Variants in CSNK1D observed in about 807,000 individuals in gnomAD.
CSNK1D encodes casein kinase I isoform delta.
CSNK1D carries 16 observed loss-of-function variants against 46.6 expected under a neutral mutation model. The observed-to-expected ratio is 0.34, with a 90% CI of 0.23 to 0.52. The LOEUF is 0.52. Among genes scored for constraint, CSNK1D ranks in the 20% least tolerant of loss-of-function variants. The pLI, the probability that CSNK1D is intolerant of heterozygous loss-of-function variation, is 0.95. For missense variants in CSNK1D, 398 were observed against 578.4 expected, an observed-to-expected ratio of 0.69 and a Z score of 3.20; for synonymous variants, 276 against 228.2, an observed-to-expected ratio of 1.21 and a Z score of -1.89.
chr17:82,267,380 C>T (rs2051504162), intron 1 of CSNK1D, among the ~76,000 whole-genome samples: 1 of 152,180 alleles, frequency 6.6e-6, no homozygotes, highest in African/African-American at 2.4e-5. Flanking sequence ...GAGCAGTCTG[C>T]TGATATCCAC....
At chr17:82,246,166 G>C in intron 8 of CSNK1D, 1 of 1,540,790 alleles carries the variant, frequency 6.5e-7, no homozygotes, top group Non-Finnish European at 8.8e-7. Context: ...GCCACCTGGG[G>C]GAGCCCAGGC....
In CSNK1D at chr17:82,252,997, C is replaced by A; in HGVS notation, c.565+19G>T. The A allele has an allele frequency of 6.2e-7, 1 of 1,608,288 alleles. No homozygotes were observed. The highest frequency in any genetic ancestry group is 8.5e-7 in the Non-Finnish European group (1 of 1,174,932). On this transcript the variant is annotated intron_variant, in intron 4 of 8. Coordinates refer to ENST00000314028, the MANE Select transcript of CSNK1D (RefSeq NM_001893.6). The surrounding 1 kb of genome is among the most constrained non-coding windows in gnomAD (Gnocchi z 4.6). ...CCCAAAGGCACCCCAGGTCAGTGAC[C>A]CCATGCCCAGGGGCTCACCAATTCC...
chr17:82,239,910 C>T (rs768575150), downstream of CSNK1D: 5 of 996,002 alleles, frequency 5.0e-6, no homozygotes, highest in Non-Finnish European at 6.5e-6. Context: ...CACCTAACAC[C>T]CACCTGCCCT....
chr17:82,246,071 C>T lies in CSNK1D; in HGVS notation c.1198-1240G>A, dbSNP rs371328694. 4.1e-5 allele frequency: 66 copies of T among 1,593,532 alleles called. 1 individual carries two copies. In the Middle Eastern group the frequency reaches 2.3e-3, roughly 56 times the overall value. ...TGGGGAAAAGACAGCTGTTGGTAAG[C>T]GTCCCGCTGGCCCCCTGACTACCTG... On this transcript the variant is annotated intron_variant, in intron 8 of 8. Transcript: ENST00000314028.
chr17:82,260,689 G>A lies in CSNK1D; in HGVS notation c.187+4997C>T, dbSNP rs889142837. ...TGATGGTGTACTGACTGATGTGACT[G>A]ATGGTGTACTGACTGATGTGACTGA... On this transcript the variant is annotated intron_variant, in intron 2 of 8. Coordinates refer to ENST00000314028, the MANE Select transcript of CSNK1D (RefSeq NM_001893.6). 2.7e-5 allele frequency among the ~76,000 whole-genome samples: 4 copies of A among 148,846 alleles called. No individual in the cohort carries two copies. The East Asian group carries it at 5.8e-4, about 22-fold the overall frequency.
chr17:82,264,815 T>G (rs2147212723), intron 2 of CSNK1D, among the ~76,000 whole-genome samples: 1 of 151,314 alleles, frequency 6.6e-6, no homozygotes, highest in East Asian at 1.9e-4. Flanking sequence ...TTTTTTTTTT[T>G]GAGACGGAGT....
At chr17:82,269,922 G>A (rs955644105) in intron 1 of CSNK1D, among the ~76,000 whole-genome samples, 7 of 152,390 alleles carry the variant, frequency 4.6e-5, no homozygotes, top group Non-Finnish European at 1.0e-4. Flanking sequence ...TTTATTTCCA[G>A]TGGTACTCTG....
rs192433305 is a variant in CSNK1D at position 82,262,746 on chromosome 17, G to A, written c.187+2940C>T. Among the ~76,000 whole-genome samples, 495 of 152,304 alleles carry A rather than the reference G, an allele frequency of 3.3e-3. 2 individuals carry two copies. Among genetic ancestry groups the A allele is most frequent in the Admixed American group, 5.9e-3 (91 of 15,296 alleles). The stretch of plus-strand genomic sequence containing the variant: ...AAGAATGGCAGTGGCAAGATCTGGT[G>A]GCTTCTGGATGAAACAATTTCTTCC... On this transcript the variant is annotated intron_variant, in intron 2 of 8. Transcript: ENST00000314028.
chr17:82,239,080 C>G (rs1355381098), downstream of CSNK1D: 1 of 1,159,622 alleles, frequency 8.6e-7, no homozygotes, highest in African/African-American at 1.5e-5. Flanking sequence ...CACGGCTGGG[C>G]TCCAGCTGCC....
intron 1 of CSNK1D, among the ~76,000 whole-genome samples, chr17:82,271,681 C>A (rs145141960): frequency 6.6e-6 from 1 of 152,236 alleles, no homozygotes; most frequent in South Asian, 2.1e-4. Context: ...GTTAACCAGG[C>A]ACCGAAAGTA....
rs993392630 is a variant in CSNK1D, at chr17:82,273,625, C to T, written c.-244G>A. ...CTACCGGTCCCGCTTGCCCTCTCCC[C>T]GCCGCGGATGGACTCGGATCTTCCG... On this transcript the variant is annotated 5_prime_UTR_variant, in exon 1 of 9. Transcript: ENST00000314028. The surrounding 1 kb of genome is among the most constrained non-coding windows in gnomAD (Gnocchi z 5.1). The T allele has an allele frequency of 2.2e-5, 12 of 550,614 alleles. No homozygotes were observed. The highest frequency in any genetic ancestry group is 3.8e-5 in the Non-Finnish European group (12 of 314,806). The allele number at this position is 550,614 out of a possible 1,614,324, so 34.1% of individuals were successfully genotyped here.
At chr17:82,246,346 C>A in intron 8 of CSNK1D, 1 of 1,302,120 alleles carries the variant, frequency 7.7e-7, no homozygotes, top group Non-Finnish European at 9.9e-7. Flanking sequence ...AGGTGCTGGG[C>A]AGCCCCACAA....
chr17:82,259,695 T>A (rs1015574999), intron 2 of CSNK1D, among the ~76,000 whole-genome samples: 1 of 152,224 alleles, frequency 6.6e-6, no homozygotes, highest in African/African-American at 2.4e-5. Context: ...CAACGCAGTA[T>A]GAGTCAGACG....
At position 82,246,944 on chromosome 17, in the gene CSNK1D, G is replaced by C; in HGVS notation, c.1197+1931C>G. On this transcript the variant is annotated intron_variant, in intron 8 of 8. Coordinates refer to ENST00000314028, the MANE Select transcript of CSNK1D (RefSeq NM_001893.6). The stretch of plus-strand genomic sequence containing the variant: ...TGTATTCCCCCTTGGGATTCAAAAC[G>C]GGAGCTGCTGCTCACAGCCACCACG... 11 of 985,498 alleles carry C rather than the reference G, an allele frequency of 1.1e-5. No homozygotes were observed. The South Asian group carries it at 4.7e-4, about 42-fold the overall frequency. 61.0% of individuals were successfully genotyped at this position (985,498 alleles called of 1,614,324 possible).
chr17:82,244,594 G>T lies in CSNK1D; in HGVS notation c.*187C>A. 6.6e-7 allele frequency: 1 copy of T among 1,515,324 alleles called. No homozygotes were observed. Among genetic ancestry groups the T allele is most frequent in the African/African-American group, 1.4e-5 (1 of 72,744 alleles). The allele number at this position is 1,515,324 out of a possible 1,614,324, so 93.9% of individuals were successfully genotyped here. ...TGGGGGGCCGCAGTGCAGCCCCAGC[G>T]GTGGCAGCTCTTGGAGTCTGTCCGT... On this transcript the variant is annotated 3_prime_UTR_variant, in exon 9 of 9. Coordinates refer to ENST00000314028, the MANE Select transcript of CSNK1D (RefSeq NM_001893.6).
At chr17:82,253,292 G>A (rs747975811) in intron 3 of CSNK1D, 48 bp from the exon 4 acceptor site, 160 of 1,433,922 alleles carry the variant, frequency 1.1e-4, no homozygotes, top group Non-Finnish European at 1.5e-4. Context: ...GCAGTCTCAG[G>A]GAGGGACCGC....
rs2050791100 is a variant in CSNK1D, at chr17:82,244,112, G to A, written c.*669C>T. ...GAGGGAGGGTGAGACGCCAAAATCAGGTTGAAGAGGTCCCACCACACACGG... is the reference window on the plus strand; with the variant it reads ...GAGGGAGGGTGAGACGCCAAAATCAAGTTGAAGAGGTCCCACCACACACGG... On this transcript the variant is annotated 3_prime_UTR_variant, in exon 9 of 9. Transcript: ENST00000314028. 2 of 990,940 alleles carry A rather than the reference G, an allele frequency of 2.0e-6. No individual in the cohort carries two copies. Among genetic ancestry groups the A allele is most frequent in the African/African-American group, 3.5e-5 (2 of 57,204 alleles). 61.4% of individuals were successfully genotyped at this position (990,940 alleles called of 1,614,324 possible). A position where few individuals can be genotyped will look rare whatever the true frequency, so the allele number is the denominator to read the frequency against.
chr17:82,251,325 A>C lies in CSNK1D; in HGVS notation c.885+54T>G. Reference sequence around the variant, plus strand: ...CAAGACGGCCGCCGGCCTCTCACTGACAAGCCATCCCCCGCACACCACACT... The same window carrying C: ...CAAGACGGCCGCCGGCCTCTCACTGCCAAGCCATCCCCCGCACACCACACT... On this transcript the variant is annotated intron_variant, in intron 6 of 8. Coordinates refer to ENST00000314028, the MANE Select transcript of CSNK1D (RefSeq NM_001893.6). The surrounding 1 kb of genome is among the most constrained non-coding windows in gnomAD (Gnocchi z 4.5). The C allele has an allele frequency of 6.2e-7, 1 of 1,610,984 alleles. No homozygotes were observed. The highest frequency in any genetic ancestry group is 1.1e-5 in the South Asian group (1 of 90,882).
rs2050916118 is a variant in CSNK1D at position 82,248,760 on chromosome 17, C to T, written c.1197+115G>A. On this transcript the variant is annotated intron_variant, in intron 8 of 8. Coordinates refer to ENST00000314028, the MANE Select transcript of CSNK1D (RefSeq NM_001893.6). This position sits in a 1 kb window ranked among gnomAD's most constrained non-coding sequence, Gnocchi z 4.1. ...CGCCACACCCTGGCGAGATTAAAAA[C>T]TCTCAAAAATGGGGGGAAGAAAGGA... is the stretch of plus-strand genomic sequence containing the variant. 11 of 1,523,474 alleles carry T rather than the reference C, an allele frequency of 7.2e-6. No individual in the cohort carries two copies. The highest frequency in any genetic ancestry group is 8.8e-6 in the Non-Finnish European group (10 of 1,138,050). The allele number at this position is 1,523,474 out of a possible 1,614,324, so 94.4% of individuals were successfully genotyped here.
Sources: gnomAD v4.1 joint callset for allele counts (sites outside exome capture counted in the v4.1 genomes callset) on GRCh38, gnomAD v4.1.1 for gene constraint, Gnocchi (gnomAD v3.1) non-coding constraint, MANE v1.5 for transcripts, NCBI Gene and HGNC (gene_info 2026-07-23, HGNC 2026-07-21) for gene names.